The following PUDP variants were observed in gnomAD, a reference collection of about 807,000 sequenced individuals.
PUDP encodes pseudouridine-5'-phosphatase.
A neutral mutation model predicts 9.4 loss-of-function variants in PUDP; 8 were observed. That is an observed-to-expected ratio of 0.85 (90% CI 0.50 to 1.53). The LOEUF (loss-of-function observed/expected upper bound fraction) is 1.53, where lower values mean the gene tolerates loss of function less well. PUDP is among the 40% of genes most tolerant of loss of function. The pLI is 0.00. For missense variants in PUDP, 188 were observed against 189.7 expected (o/e 0.99, Z 0.05); for synonymous variants, 99 against 80.7 (o/e 1.23, Z -1.22).
rs772122790 is a variant in PUDP at position 7,067,317 on chromosome X, C to T, written c.510+9903G>A. On this transcript the variant is annotated intron_variant, in intron 3 of 3. Transcript: ENST00000381077. Reference sequence around the variant, plus strand: ...GTACAGGGGCCCGTGTGCATGCAACCTGTGTCGAGGTCTCTGCAGGGCTGT... The same window carrying T: ...GTACAGGGGCCCGTGTGCATGCAACTTGTGTCGAGGTCTCTGCAGGGCTGT... Among the ~76,000 whole-genome samples the T allele has an allele frequency of 1.6e-4, 18 of 111,940 alleles. No individual in the cohort carries two copies. The South Asian group carries it at 2.3e-3, about 14-fold the overall frequency.
chrX:6,871,537 A>C (rs1446294278), intron 3 of PUDP, among the ~76,000 whole-genome samples: 3 of 111,971 alleles, frequency 2.7e-5, no homozygotes, highest in Non-Finnish European at 5.6e-5. Context: ...TTTCCTTCAA[A>C]GATAATGACT....
chrX:7,101,241 A>G (rs952988337), intron 2 of PUDP, among the ~76,000 whole-genome samples: 6 of 111,912 alleles, frequency 5.4e-5, no homozygotes, highest in African/African-American at 2.0e-4. Flanking sequence ...GCGTGTGCAC[A>G]CACACGCGCA....
At chrX:6,886,533 CTCTT>C (rs750323760) in intron 3 of PUDP, among the ~76,000 whole-genome samples, 2 of 111,902 alleles carry the variant, frequency 1.8e-5, no homozygotes, top group East Asian at 5.6e-4. Context: ...TAAAGTTTAT[CTCTT>C]TATTTTTGGA....
intron 3 of PUDP, among the ~76,000 whole-genome samples, chrX:6,752,458 G>A (rs1452052799): frequency 8.9e-6 from 1 of 111,933 alleles, no homozygotes; most frequent in African/African-American, 3.2e-5. Context: ...CCTGATCCAG[G>A]CTGTCCTTTT....
intron 3 of PUDP, among the ~76,000 whole-genome samples, chrX:6,960,058 T>G (rs1293957104): frequency 8.9e-6 from 1 of 112,600 alleles, no homozygotes; most frequent in Non-Finnish European, 1.9e-5. Flanking sequence ...GAAATCAAGC[T>G]TCAAATCTTA....
At chrX:6,728,620 G>T (rs1020306602) in intron 3 of PUDP, among the ~76,000 whole-genome samples, 1 of 111,507 alleles carries the variant, frequency 9.0e-6, no homozygotes, top group African/African-American at 3.3e-5. Context: ...GTGAGATACA[G>T]GCTTAAACTT....
At chrX:6,787,995 A>G (rs1459049382) in intron 3 of PUDP, among the ~76,000 whole-genome samples, 1 of 112,237 alleles carries the variant, frequency 8.9e-6, no homozygotes, top group Non-Finnish European at 1.9e-5. Context: ...TTCATAACAA[A>G]AGATTTCCAC....
At chrX:6,899,910 T>A (rs1388002117) in intron 3 of PUDP, among the ~76,000 whole-genome samples, 3 of 111,519 alleles carry the variant, frequency 2.7e-5, no homozygotes, top group Non-Finnish European at 5.6e-5. Context: ...ATTAAGATAT[T>A]AAAATCTTAA....
chrX:6,976,491 A>G (rs1023135388), intron 3 of PUDP, among the ~76,000 whole-genome samples: 1 of 111,501 alleles, frequency 9.0e-6, no homozygotes, highest in Non-Finnish European at 1.9e-5. Flanking sequence ...GGGTGAGGCA[A>G]CGCCCCACCC....
At chrX:7,119,004 C>T (rs1932268396) in intron 1 of PUDP, among the ~76,000 whole-genome samples, 1 of 112,196 alleles carries the variant, frequency 8.9e-6, no homozygotes, top group Admixed American at 9.4e-5. Flanking sequence ...CTTGCAAAAA[C>T]AGTGATTAAG....
chrX:7,058,877 A>AC (rs1431845122), intron 3 of PUDP, among the ~76,000 whole-genome samples: 1 of 110,941 alleles, frequency 9.0e-6, no homozygotes, highest in Non-Finnish European at 1.9e-5. Flanking sequence ...CCAAACATCC[A>AC]CCTACCTACT....
chrX:7,132,258 AG>A (rs1259176478), intron 1 of PUDP, among the ~76,000 whole-genome samples: 3 of 111,787 alleles, frequency 2.7e-5, no homozygotes, highest in Non-Finnish European at 5.6e-5. Flanking sequence ...GAGCCCTCAT[AG>A]ATCCAACTTA....
chrX:7,077,092 T>A, intron 3 of PUDP, 128 bp downstream of exon 3: 5 of 1,052,504 alleles, frequency 4.8e-6, no homozygotes, highest in Non-Finnish European at 6.3e-6. Context: ...ACCCAAGTTC[T>A]AGGGAGCATT....
At chrX:7,104,130 C>G (rs1474605709) in intron 2 of PUDP, among the ~76,000 whole-genome samples, 2 of 111,810 alleles carry the variant, frequency 1.8e-5, no homozygotes, top group Non-Finnish European at 3.8e-5. Flanking sequence ...CAAGAACAGC[C>G]AAGGTGTGGA....
chrX:6,706,202 T>A (rs1000416682), intron 2 of PUDP: 1 of 112,437 alleles, frequency 8.9e-6, no homozygotes, highest in Admixed American at 9.4e-5. Flanking sequence ...TGAGGAGTTA[T>A]TGCTGAATAG....
At chrX:6,923,929 C>T (rs926407246) in intron 3 of PUDP, among the ~76,000 whole-genome samples, 1 of 110,992 alleles carries the variant, frequency 9.0e-6, no homozygotes, top group Non-Finnish European at 1.9e-5. Context: ...TTCAGCCACC[C>T]TTTCTCCCTT....
At position 6,833,352 on chromosome X, in the gene PUDP, G is replaced by A. The variant is rs143161155; in HGVS notation, c.*248-126886C>T. 6.1e-3 allele frequency among the ~76,000 whole-genome samples: 675 copies of A among 110,911 alleles called. 3 individuals are homozygous for A. Among genetic ancestry groups the A allele is most frequent in the African/African-American group, 0.021 (642 of 30,498 alleles). On this transcript the variant is annotated intron_variant and NMD_transcript_variant, in intron 3 of 3. Transcript: ENST00000655425. ...AAGTAGGTGGATAGATGGGAAGATCGGTGGGTAAATAGATGTTTGAGTGAA... is the reference window on the plus strand; with the variant it reads ...AAGTAGGTGGATAGATGGGAAGATCAGTGGGTAAATAGATGTTTGAGTGAA...
intron 1 of PUDP, among the ~76,000 whole-genome samples, chrX:7,127,108 G>C (rs1932505984): frequency 8.9e-6 from 1 of 111,806 alleles, no homozygotes; most frequent in South Asian, 3.8e-4. Context: ...ATTGACAAAA[G>C]GAGGCATAGC....
intron 3 of PUDP, among the ~76,000 whole-genome samples, chrX:6,907,199 A>G (rs1927780730): frequency 9.0e-6 from 1 of 110,864 alleles, no homozygotes; most frequent in Non-Finnish European, 1.9e-5. Context: ...TGGTTTTATA[A>G]GGCGCTTTCC....
Sources: allele counts gnomAD v4.1 joint callset (sites outside exome capture counted in the v4.1 genomes callset), GRCh38; gene constraint gnomAD v4.1.1; transcripts MANE v1.5; gene names NCBI Gene and HGNC (gene_info 2026-07-23, HGNC 2026-07-21).